LAPTM4B: variants seen among roughly 807,000 people sequenced by gnomAD.
LAPTM4B encodes the protein lysosomal protein transmembrane 4 beta.
Under a neutral mutation model 28.5 loss-of-function variants are expected in LAPTM4B, and 26 were observed. The ratio of observed to expected loss-of-function variants is 0.91; its 90% confidence interval spans 0.67 to 1.27. LAPTM4B has a LOEUF of 1.27. Among genes scored for constraint, LAPTM4B ranks in the 50% most tolerant of loss-of-function variants. LAPTM4B has a pLI of 0.00. For missense variants in LAPTM4B, 288 were observed against 285.8 expected (o/e 1.01, Z -0.06); for synonymous variants, 109 against 106.4 (o/e 1.02, Z -0.15).
chr8:97,782,949 T>TATTTA (rs1563599709), intron 1 of LAPTM4B, among the ~76,000 whole-genome samples: 4 of 147,548 alleles, frequency 2.7e-5, no homozygotes, highest in Admixed American at 6.8e-5. Context: ...TTTATTTATT[T>TATTTA]TTTAGTAGAG....
At chr8:97,812,177 T>C (rs1174819890) in intron 2 of LAPTM4B, among the ~76,000 whole-genome samples, 1 of 151,868 alleles carries the variant, frequency 6.6e-6, no homozygotes, top group African/African-American at 2.4e-5. Context: ...TCTTGACTTT[T>C]TTTTAAAGGA....
chr8:97,806,978 G>T (rs543968459), intron 2 of LAPTM4B, among the ~76,000 whole-genome samples: 1 of 152,174 alleles, frequency 6.6e-6, no homozygotes, highest in South Asian at 2.1e-4. Context: ...TCTTGTCACC[G>T]CCATGTAAGA....
intron 1 of LAPTM4B, among the ~76,000 whole-genome samples, chr8:97,781,981 CTT>C (rs140423500): frequency 1.1e-3 from 159 of 140,252 alleles, no homozygotes; most frequent in East Asian, 0.01. Context: ...ACTTTGGGGA[CTT>C]TTTTTTTTTT....
intron 6 of LAPTM4B, among the ~76,000 whole-genome samples, chr8:97,831,093 C>T (rs1217609358): frequency 2.0e-5 from 3 of 152,116 alleles, no homozygotes; most frequent in South Asian, 2.1e-4. Context: ...TGTTTTTAAA[C>T]GACTGTTGGC....
intron 6 of LAPTM4B, among the ~76,000 whole-genome samples, chr8:97,825,964 A>G (rs1445281617): frequency 3.9e-5 from 6 of 152,164 alleles, no homozygotes; most frequent in Non-Finnish European, 8.8e-5. Context: ...GAACACATAA[A>G]TGGTAGGACG....
intron 2 of LAPTM4B, among the ~76,000 whole-genome samples, chr8:97,814,074 G>A (rs1159743107): frequency 4.6e-5 from 7 of 152,104 alleles, no homozygotes; most frequent in African/African-American, 1.2e-4. Context: ...ATTTTTGTCC[G>A]GGTGCGGTGA....
chr8:97,821,545 A>G (rs7822059), intron 5 of LAPTM4B, among the ~76,000 whole-genome samples: 69,586 of 138,526 alleles, frequency 0.5, 16,310 homozygotes, highest in East Asian at 0.57. Context: ...GTGTGGATGT[A>G]GGGGTGGACA....
At position 97,801,510 on chromosome 8, in the gene LAPTM4B, C is replaced by T. The variant is rs1309967202; in HGVS notation, c.100-3843C>T. ...TTTTCAAAGCACATTCTTCTTATTT[C>T]GTTTGATCCTATTTCAGTCCACAAT... On this transcript the variant is annotated intron_variant, in intron 1 of 6. Transcript: ENST00000521545. Among the ~76,000 whole-genome samples the T allele has an allele frequency of 2.6e-5, 4 of 152,130 alleles. No individual in the cohort carries two copies. The East Asian group carries it at 5.8e-4, about 22-fold the overall frequency.
intron 5 of LAPTM4B, among the ~76,000 whole-genome samples, chr8:97,819,883 C>T (rs771073261): frequency 1.8e-4 from 27 of 151,980 alleles, no homozygotes; most frequent in Non-Finnish European, 2.4e-4. Flanking sequence ...CACAGATACC[C>T]GCCACCATGC....
chr8:97,796,294 G>T (rs573750653), intron 1 of LAPTM4B, among the ~76,000 whole-genome samples: 26 of 152,156 alleles, frequency 1.7e-4, no homozygotes, highest in Admixed American at 5.9e-4. Context: ...TATGGAGATG[G>T]AGTCTTACTA....
chr8:97,849,890 T>A (rs909600109), intron 6 of LAPTM4B, among the ~76,000 whole-genome samples: 1 of 148,386 alleles, frequency 6.7e-6, no homozygotes, highest in Non-Finnish European at 1.5e-5. Flanking sequence ...CAGGGCCCAG[T>A]GCGAGCGGAG....
At chr8:97,822,192 CT>C (rs1250784012) in intron 5 of LAPTM4B, among the ~76,000 whole-genome samples, 1 of 151,974 alleles carries the variant, frequency 6.6e-6, no homozygotes, top group Non-Finnish European at 1.5e-5. Flanking sequence ...GCAGTGCCCC[CT>C]GGTGAAAGGC....
At chr8:97,802,138 C>G (rs1029087639) in intron 1 of LAPTM4B, among the ~76,000 whole-genome samples, 1 of 152,006 alleles carries the variant, frequency 6.6e-6, no homozygotes. Context: ...TCTTGGACCT[C>G]GTGCAAGAAA....
intron 6 of LAPTM4B, among the ~76,000 whole-genome samples, chr8:97,835,756 G>A (rs1817249967): frequency 6.6e-6 from 1 of 152,002 alleles, no homozygotes; most frequent in African/African-American, 2.4e-5. Flanking sequence ...TCACATGGTG[G>A]GTGTATATTG....
intron 6 of LAPTM4B, among the ~76,000 whole-genome samples, chr8:97,842,146 A>G (rs539030246): frequency 6.6e-6 from 1 of 152,360 alleles, no homozygotes; most frequent in Admixed American, 6.5e-5. Flanking sequence ...TATGTGAATG[A>G]ATGTGGCTAA....
At chr8:97,836,316 GAC>G (rs1414408066) in intron 6 of LAPTM4B, among the ~76,000 whole-genome samples, 1 of 152,088 alleles carries the variant, frequency 6.6e-6, no homozygotes, top group African/African-American at 2.4e-5. Context: ...GAGTAGCTGG[GAC>G]TACAGGCACA....
intron 6 of LAPTM4B, among the ~76,000 whole-genome samples, chr8:97,833,023 G>T (rs536410291): frequency 6.8e-6 from 1 of 148,052 alleles, no homozygotes; most frequent in African/African-American, 2.5e-5. Flanking sequence ...ACAATATTTT[G>T]TTAAAAGATA....
At position 97,825,094 on chromosome 8, in the gene LAPTM4B, T is replaced by A. The variant is rs1274517676; in HGVS notation, c.544T>A (p.Tyr182Asn). ...TAGCTGTGTTTGGAACTGCTACCGA[T>A]ACATCAATGGTAGGAACTCCTCTGA... ...LISCVWNCYR[Y>N]INGRNSSDVL... The change falls in exon 6 of 7, where the codon TAC becomes AAC. Residue 182 changes from tyrosine to asparagine, a missense_variant. Transcript: ENST00000521545. 1 of 1,611,882 alleles carries A rather than the reference T, an allele frequency of 6.2e-7. No homozygotes were observed. Among genetic ancestry groups the A allele is most frequent in the East Asian group, 2.2e-5 (1 of 44,842 alleles).
chr8:97,847,758 A>G (rs988713351), intron 6 of LAPTM4B, among the ~76,000 whole-genome samples: 7 of 152,192 alleles, frequency 4.6e-5, no homozygotes, highest in African/African-American at 1.7e-4. Context: ...AAGGATTTAA[A>G]ACTAGTCCCA....
Sources: gnomAD v4.1 joint callset for allele counts (sites outside exome capture counted in the v4.1 genomes callset) on GRCh38, gnomAD v4.1.1 for gene constraint, MANE v1.5 for transcripts, NCBI Gene and HGNC (gene_info 2026-07-23, HGNC 2026-07-21) for gene names.